BCR: variants seen among roughly 807,000 people sequenced by gnomAD.
BCR encodes breakpoint cluster region protein.
BCR carries 58 observed loss-of-function variants against 138.6 expected under a neutral mutation model. That is an observed-to-expected ratio of 0.42 (90% CI 0.34 to 0.52). The LOEUF (loss-of-function observed/expected upper bound fraction) is 0.52. BCR is among the 20% of genes least tolerant of loss of function. BCR has a pLI of 0.06. For synonymous variants in BCR, 786 were observed against 730.1 expected (o/e 1.08, Z -1.23); for missense variants, 1,599 against 1,727.2 (o/e 0.93, Z 1.32).
At chr22:23,190,607 A>G (rs988019559) in intron 1 of BCR, among the ~76,000 whole-genome samples, 17 of 152,224 alleles carry the variant, frequency 1.1e-4, no homozygotes, top group African/African-American at 3.6e-4. Context: ...TTAGAACGTC[A>G]ACATATGGGG....
chr22:23,196,530 G>A (rs901725254), intron 1 of BCR, among the ~76,000 whole-genome samples: 43 of 152,264 alleles, frequency 2.8e-4, no homozygotes, highest in African/African-American at 9.9e-4. Context: ...CTCGATATCC[G>A]CAGGAAATTG....
chr22:23,267,521 T>C (rs962978246), intron 4 of BCR, among the ~76,000 whole-genome samples: 11 of 152,170 alleles, frequency 7.2e-5, no homozygotes, highest in African/African-American at 2.4e-4. Flanking sequence ...AAATAAAATT[T>C]AGGTTTGACA....
Position 23,273,628 on chromosome 22 carries a change from G to A in BCR, c.1975-6G>A. 6.2e-7 allele frequency: 1 copy of A among 1,613,466 alleles called. No homozygotes were observed. Among genetic ancestry groups the A allele is most frequent in the Non-Finnish European group, 8.5e-7 (1 of 1,179,980 alleles). ...TGTCTAACTCAAGTCTTTCTTCCTGGGGCAGGACTTGCTGAAGCACACTCC... is the reference window on the plus strand; with the variant it reads ...TGTCTAACTCAAGTCTTTCTTCCTGAGGCAGGACTTGCTGAAGCACACTCC... On this transcript the variant is annotated splice_polypyrimidine_tract_variant and splice_region_variant and intron_variant, in intron 7 of 22. Coordinates refer to ENST00000305877, the MANE Select transcript of BCR (RefSeq NM_004327.4).
intron 1 of BCR, among the ~76,000 whole-genome samples, chr22:23,185,423 A>T (rs3788356): frequency 0.29 from 43,880 of 151,884 alleles, 6,491 homozygotes; most frequent in East Asian, 0.36. Context: ...CCCAGCACTT[A>T]GGGAGTCCAA....
At chr22:23,224,288 GGGGGAGGAC>G (rs2072863197) in intron 1 of BCR, among the ~76,000 whole-genome samples, 1 of 152,194 alleles carries the variant, frequency 6.6e-6, no homozygotes, top group Admixed American at 6.5e-5. Flanking sequence ...ATGGACTGTA[GGGGGAGGAC>G]CGAGGTCCAG....
intron 4 of BCR, chr22:23,262,927 C>G: frequency 9.1e-7 from 1 of 1,102,086 alleles, no homozygotes; most frequent in Non-Finnish European, 1.1e-6. Context: ...AGAGAGGAAG[C>G]AGAGGGAGGC....
intron 1 of BCR, among the ~76,000 whole-genome samples, chr22:23,249,960 TC>T (rs1330873558): frequency 6.6e-6 from 1 of 152,166 alleles, no homozygotes; most frequent in Non-Finnish European, 1.5e-5. Flanking sequence ...GTGTCCTAAT[TC>T]CCCAGCAGAG....
chr22:23,253,649 C>A, intron 1 of BCR, 150 bp from the exon 2 acceptor site: 2 of 806,484 alleles, frequency 2.5e-6, no homozygotes, highest in Non-Finnish European at 3.9e-6. Flanking sequence ...TTTGACCAGT[C>A]AGTTGTGAAG....
chr22:23,271,643 G>A, intron 6 of BCR, 51 bp downstream of exon 6: 1 of 1,577,678 alleles, frequency 6.3e-7, no homozygotes, highest in Non-Finnish European at 8.7e-7. Context: ...GGAGGCTGCT[G>A]CTGGCAGAGG....
chr22:23,205,573 GA>G (rs1363938935), intron 1 of BCR, among the ~76,000 whole-genome samples: 1 of 152,014 alleles, frequency 6.6e-6, no homozygotes, highest in African/African-American at 2.4e-5. Context: ...TCGCCAAGGG[GA>G]TACTCAGACA....
intron 1 of BCR, among the ~76,000 whole-genome samples, chr22:23,231,210 G>A (rs1181205131): frequency 2.0e-5 from 3 of 152,052 alleles, no homozygotes; most frequent in African/African-American, 7.2e-5. Context: ...GGACACCTGG[G>A]TGCCTTTCTA....
chr22:23,183,155 A>G (rs1452369239), intron 1 of BCR, among the ~76,000 whole-genome samples: 2 of 152,226 alleles, frequency 1.3e-5, no homozygotes, highest in Non-Finnish European at 2.9e-5. Context: ...GCTAGATGCA[A>G]ATACCATCAG....
rs113087899 is a variant in BCR at position 23,289,626 on chromosome 22, G to GC, written c.2707+12dup. 0.29 allele frequency: 462,067 copies of GC among 1,605,718 alleles called. 70,665 individuals are homozygous for GC. The highest frequency in any genetic ancestry group is 0.51 in the African/African-American group (38,173 of 74,528). ...CGCTGACCATCAATAAGGAAGGTGG[G>GC]CCCCCCCGTTTCCGTGTACAGGGCA... On this transcript the variant is annotated splice_donor_region_variant and intron_variant, in intron 13 of 22. Transcript: ENST00000305877.
intron 1 of BCR, chr22:23,242,851 G>A (rs189809854): frequency 3.0e-4 from 138 of 455,448 alleles, no homozygotes; most frequent in Admixed American, 1.1e-3. Flanking sequence ...CAAGGTGTCC[G>A]CAGGGCCAGG....
chr22:23,273,092 A>C lies in BCR; in HGVS notation c.1933A>C (p.Lys645Gln). Residue 645 changes from lysine to glutamine, a missense_variant, in exon 7 of 23, where the codon AAG (lysine) becomes CAG (glutamine). By Grantham distance (53) the Lys-to-Gln change is moderately conservative. Transcript: ENST00000305877. ...CTCTCTCTCCACAGCTCTGCTCTAC[A>C]AGCCTGTGGACCGTGTGACGAGGAG... ...TKNSLETLLY[K>Q]PVDRVTRSTL... 1 of 1,613,518 alleles carries C rather than the reference A, an allele frequency of 6.2e-7. No homozygotes were observed. Among genetic ancestry groups the C allele is most frequent in the Non-Finnish European group, 8.5e-7 (1 of 1,179,734 alleles).
At chr22:23,301,198 C>T (rs993743342) in intron 16 of BCR, among the ~76,000 whole-genome samples, 5 of 152,226 alleles carry the variant, frequency 3.3e-5, no homozygotes, top group South Asian at 2.1e-4. Flanking sequence ...CCCAGCTACT[C>T]GGGAAGCCAA....
intron 8 of BCR, among the ~76,000 whole-genome samples, chr22:23,275,278 A>G (rs2073563272): frequency 6.6e-6 from 1 of 152,184 alleles, no homozygotes; most frequent in South Asian, 2.1e-4. Context: ...AGCTGGGCAG[A>G]CTCAGAGTCC....
intron 2 of BCR, 61 bp downstream of exon 2, chr22:23,254,041 C>A: frequency 6.6e-7 from 1 of 1,524,146 alleles, no homozygotes; most frequent in African/African-American, 1.4e-5. Context: ...AAGCGCAGCC[C>A]CATGCTCAGG....
In BCR at chr22:23,273,705, G is replaced by T. The variant is rs1440341549; in HGVS notation, c.2046G>T (p.Gln682His). The change falls in exon 8 of 23, where the codon CAG becomes CAT. Residue 682 changes from glutamine (Q) to histidine (H), a missense_variant. This residue lies in a region of BCR where 590 missense variants were observed against 762.4 expected (regional missense o/e 0.77). Transcript: ENST00000305877. ...PLLQDALRIS[Q>H]NFLSSINEEI... ...TGCAGGACGCCCTCCGCATCTCACA[G>T]AACTTCCTGTCCAGCATCAATGAGG... 1 of 1,614,120 alleles carries T rather than the reference G, an allele frequency of 6.2e-7. No individual in the cohort carries two copies. The highest frequency in any genetic ancestry group is 8.5e-7 in the Non-Finnish European group (1 of 1,180,028).
Sources: gnomAD v4.1 joint callset for allele counts (sites outside exome capture counted in the v4.1 genomes callset) on GRCh38, gnomAD v4.1.1 for gene constraint, gnomAD v4.1.1 regional missense constraint, MANE v1.5 for transcripts, NCBI Gene and HGNC (gene_info 2026-07-23, HGNC 2026-07-21) for gene names.